The following ABR variants were observed in gnomAD, a reference collection of about 807,000 sequenced individuals.
The protein encoded by ABR is active breakpoint cluster region-related protein.
Under a neutral mutation model 107.2 loss-of-function variants are expected in ABR, and 35 were observed. The ratio of observed to expected loss-of-function variants is 0.33; its 90% CI spans 0.25 to 0.43. The LOEUF (loss-of-function observed/expected upper bound fraction) is 0.43, where lower values mean the gene tolerates loss of function less well. Among genes scored for constraint, ABR ranks in the 20% least tolerant of loss-of-function variants. The pLI is 1.00. For synonymous variants in ABR, 498 were observed against 462.0 expected, an observed-to-expected ratio of 1.08 and a Z score of -1.00; for missense variants, 815 against 1,115.2, an observed-to-expected ratio of 0.73 and a Z score of 3.83.
Position 1,062,049 on chromosome 17 carries a change from G to C in ABR, c.1183-3182C>G, listed in dbSNP as rs539586085. Among the ~76,000 whole-genome samples the C allele has an allele frequency of 2.6e-5, 4 of 152,304 alleles. No individual in the cohort carries two copies. In the South Asian group the frequency reaches 8.3e-4, roughly 32 times the overall value. On this transcript the variant is annotated intron_variant, in intron 10 of 22. Coordinates refer to ENST00000302538, the MANE Select transcript of ABR (RefSeq NM_021962.5). ...ACCCAACCAAGACTGTGGTGGGCGT[G>C]GGTGTCAGAGAAGCTTCCCAGGGGT...
intron 1 of ABR, among the ~76,000 whole-genome samples, chr17:1,135,368 TC>T (rs2040013012): frequency 9.8e-5 from 11 of 112,492 alleles, no homozygotes; most frequent in East Asian, 3.4e-4. Context: ...TTATTCTTTT[TC>T]TTTTTGTCTT....
intron 16 of ABR, among the ~76,000 whole-genome samples, chr17:1,017,570 C>T (rs1196261772): frequency 1.3e-5 from 2 of 150,882 alleles, no homozygotes; most frequent in Non-Finnish European, 2.9e-5. Context: ...CAGGTTCAAC[C>T]GATTCTTCTG....
chr17:1,118,395 C>T (rs76655411), intron 2 of ABR, among the ~76,000 whole-genome samples: 3 of 31,306 alleles, frequency 9.6e-5, no homozygotes, highest in African/African-American at 1.7e-4. Flanking sequence ...GCCTGAGTTC[C>T]TCCCAGCGTT....
intron 10 of ABR, among the ~76,000 whole-genome samples, chr17:1,060,591 G>T (rs544063172): frequency 1.3e-5 from 2 of 152,230 alleles, no homozygotes; most frequent in African/African-American, 4.8e-5. Flanking sequence ...GGAGGTGAGT[G>T]GCGACCAGCT....
chr17:1,215,331 G>GGTAC (rs1158921447), intron 1 of ABR, among the ~76,000 whole-genome samples: 1 of 151,184 alleles, frequency 6.6e-6, no homozygotes, highest in African/African-American at 2.4e-5. Flanking sequence ...CTCACTGCAA[G>GGTAC]CTCCCTGCCT....
intron 1 of ABR, among the ~76,000 whole-genome samples, chr17:1,204,030 A>ACGGGC (rs1429939564): frequency 4.6e-5 from 7 of 152,170 alleles, no homozygotes; most frequent in African/African-American, 1.7e-4. Context: ...CCCCCGGCCC[A>ACGGGC]CGGGCCAGCC....
rs2042065179 is a variant in ABR, at chr17:1,179,905, G to C, written c.-178C>G. Reference sequence around the variant, plus strand: ...GGGCAGGGGCGAGGGCGGGGCGGGAGCCCCCAAAACCCTCCCGAACCCTCC... The same window carrying C: ...GGGCAGGGGCGAGGGCGGGGCGGGACCCCCCAAAACCCTCCCGAACCCTCC... On this transcript the variant is annotated 5_prime_UTR_variant, in exon 1 of 23. Coordinates refer to ENST00000302538, the MANE Select transcript of ABR (RefSeq NM_021962.5). This position sits in a 1 kb window ranked among gnomAD's most constrained non-coding sequence, Gnocchi z 4.9. 6.6e-6 allele frequency: 3 copies of C among 454,516 alleles called. No homozygotes were observed. In the Admixed American group the frequency reaches 1.6e-4, roughly 24 times the overall value. 28.2% of individuals were successfully genotyped at this position (454,516 alleles called of 1,614,324 possible).
intron 1 of ABR, among the ~76,000 whole-genome samples, chr17:1,142,655 G>A (rs2040335098): frequency 6.6e-6 from 1 of 152,132 alleles, no homozygotes. Context: ...AATTCAGCCA[G>A]CACAGGGAAG....
intron 1 of ABR, among the ~76,000 whole-genome samples, chr17:1,214,793 C>T (rs970854123): frequency 8.9e-6 from 1 of 112,750 alleles, no homozygotes. Flanking sequence ...AAGAGCGAAA[C>T]TCCACCTCAA....
intron 2 of ABR, among the ~76,000 whole-genome samples, chr17:1,116,618 G>A (rs2038998598): frequency 6.6e-6 from 1 of 152,192 alleles, no homozygotes; most frequent in Non-Finnish European, 1.5e-5. Context: ...ACGGGAGCCA[G>A]CGATGACGGG....
At chr17:1,086,328 C>T (rs1196491842) in intron 4 of ABR, among the ~76,000 whole-genome samples, 1 of 152,124 alleles carries the variant, frequency 6.6e-6, no homozygotes, top group Non-Finnish European at 1.5e-5. Context: ...CAAATGCTCA[C>T]AAACGGGGGA....
At chr17:1,086,762 A>G (rs1219974879) in intron 4 of ABR, among the ~76,000 whole-genome samples, 1 of 152,044 alleles carries the variant, frequency 6.6e-6, no homozygotes. Flanking sequence ...CCGCCTCCCA[A>G]AGTGCTGGGA....
intron 9 of ABR, among the ~76,000 whole-genome samples, chr17:1,069,590 T>G (rs919976906): frequency 3.3e-5 from 5 of 152,074 alleles, no homozygotes; most frequent in Non-Finnish European, 7.4e-5. Flanking sequence ...GAAAATCGCT[T>G]GAACCCGGGA....
rs761532741 is a variant in ABR at position 1,070,566 on chromosome 17, ACCGAGAC to A, written c.895-483_895-477del. 6.6e-6 allele frequency among the ~76,000 whole-genome samples: 1 copy of A among 152,034 alleles called. No homozygotes were observed. Among genetic ancestry groups the A allele is most frequent in the African/African-American group, 2.4e-5 (1 of 41,384 alleles). On this transcript the variant is annotated intron_variant, in intron 8 of 22. Transcript: ENST00000302538. This position sits in a 1 kb window ranked among gnomAD's most constrained non-coding sequence, Gnocchi z 4.2. ...GCGAACTTCATCTAGCCCCGGCTCA[ACCGAGAC>A]CCGAGACCCGAGACCCACTCAGGCC...
intron 10 of ABR, among the ~76,000 whole-genome samples, chr17:1,060,831 A>T (rs192077086): frequency 2.3e-4 from 35 of 152,074 alleles, no homozygotes; most frequent in Admixed American, 2.3e-3. Context: ...TCTCTACTAA[A>T]AATACAAAAA....
chr17:1,069,863 A>G (rs1597662455), intron 9 of ABR, 106 bp downstream of exon 9: 1 of 77,092 alleles, frequency 1.3e-5, no homozygotes, highest in Non-Finnish European at 2.1e-5. Flanking sequence ...TCGCACACTC[A>G]CCCCGCAGAG....
intron 7 of ABR, 133 bp from the exon 8 acceptor site, chr17:1,072,887 A>C: frequency 1.6e-6 from 2 of 1,252,146 alleles, no homozygotes; most frequent in Non-Finnish European, 1.1e-6. Context: ...TCTGAACTAC[A>C]AATCAGAGTC....
intron 1 of ABR, among the ~76,000 whole-genome samples, chr17:1,169,042 G>A (rs1046632944): frequency 2.0e-5 from 3 of 152,206 alleles, no homozygotes; most frequent in Non-Finnish European, 2.9e-5. Flanking sequence ...TCCCCGTGAC[G>A]CACTCGCAAA....
chr17:1,091,353 G>T (rs1032427947), intron 4 of ABR, among the ~76,000 whole-genome samples: 1 of 147,940 alleles, frequency 6.8e-6, no homozygotes, highest in African/African-American at 2.5e-5. Flanking sequence ...GCACCCTCCG[G>T]GAGAGAGATG....
Sources: gnomAD v4.1 joint callset for allele counts (sites outside exome capture counted in the v4.1 genomes callset) on GRCh38, gnomAD v4.1.1 for gene constraint, Gnocchi (gnomAD v3.1) non-coding constraint, MANE v1.5 for transcripts, NCBI Gene and HGNC (gene_info 2026-07-23, HGNC 2026-07-21) for gene names.